PHF24: variants seen among roughly 807,000 people sequenced by gnomAD.
PHF24 encodes the protein PHD finger protein 24.
In PHF24, 25 loss-of-function variants were observed where a neutral mutation model predicts 42.6. The observed-to-expected ratio is 0.59, with a 90% CI of 0.43 to 0.82. The LOEUF (loss-of-function observed/expected upper bound fraction) is 0.82. Ranked by LOEUF, PHF24 falls within the 40% of genes least tolerant of loss-of-function variation. PHF24 has a pLI of 0.00. For synonymous variants in PHF24, 185 were observed against 204.8 expected (o/e 0.90, Z 0.83); for missense variants, 470 against 538.1 (o/e 0.87, Z 1.25).
chr9:34,793,225 G>A, the PHF24 span, among the ~76,000 whole-genome samples: 11 of 152,024 alleles, frequency 7.2e-5, no homozygotes, highest in Non-Finnish European at 8.8e-5. Context: ...GGAAGGGGAA[G>A]CTTGCCCAAG....
exon 8 of PHF24, chr9:34,979,656 G>A (rs1472287994): frequency 6.6e-6 from 1 of 152,274 alleles, no homozygotes; most frequent in Non-Finnish European, 1.5e-5. Flanking sequence ...GGTGCGTACA[G>A]AAGAACACAC....
At chr9:34,723,260 C>T in the PHF24 span, 1 of 1,551,692 alleles carries the variant, frequency 6.4e-7, no homozygotes, top group South Asian at 1.2e-5. Flanking sequence ...TTTGTTGGCA[C>T]AAGCCTCTCG....
At position 34,967,425 on chromosome 9, in the gene PHF24, C is replaced by T. The variant is rs529029057; in HGVS notation, c.-4-3870C>T. Among the ~76,000 whole-genome samples the T allele has an allele frequency of 9.8e-4, 150 of 152,314 alleles. 3 individuals are homozygous for T. The South Asian group carries it at 0.03, about 31-fold the overall frequency. The stretch of plus-strand genomic sequence containing the variant: ...GACTTCAGTTGCAGATCTATAAACA[C>T]ATGTGTCTACAGGGTTATCACAAAA... On this transcript the variant is annotated intron_variant, in intron 1 of 7. Coordinates refer to ENST00000242315, the Ensembl canonical transcript of PHF24.
At chr9:34,922,629 G>A in the PHF24 span, 1 of 1,013,754 alleles carries the variant, frequency 9.9e-7, no homozygotes, top group Admixed American at 1.7e-5. Flanking sequence ...AAAAGGGACA[G>A]TACATCATTG....
At chr9:34,848,128 G>A in the PHF24 span, among the ~76,000 whole-genome samples, 8 of 148,240 alleles carry the variant, frequency 5.4e-5, no homozygotes, top group Admixed American at 2.0e-4. Context: ...ATGAGTTAGG[G>A]AGGATTCCCT....
Position 34,968,624 on chromosome 9 carries a change from C to T in PHF24, c.-4-2671C>T, listed in dbSNP as rs115371436. Among the ~76,000 whole-genome samples the T allele has an allele frequency of 3.1e-3, 465 of 152,234 alleles. 1 individual carries two copies. Among genetic ancestry groups the T allele is most frequent in the African/African-American group, 0.011 (442 of 41,514 alleles). ...CAAGCACGTGAGCAGTGTAGGAGTT[C>T]GCACCACTGTGGCACATACAAGCAG... On this transcript the variant is annotated intron_variant, in intron 1 of 7. Transcript: ENST00000242315.
At chr9:34,839,144 A>G in the PHF24 span, among the ~76,000 whole-genome samples, 11 of 152,162 alleles carry the variant, frequency 7.2e-5, no homozygotes, top group South Asian at 2.1e-4. Flanking sequence ...AAATGCTGCA[A>G]TCTTTTTGAG....
chr9:34,952,855 C>T (rs552636524), upstream of PHF24, among the ~76,000 whole-genome samples: 5 of 152,252 alleles, frequency 3.3e-5, no homozygotes, highest in South Asian at 1.0e-3. Flanking sequence ...CCAAAAAAGG[C>T]AGAGAGGCCA....
At chr9:34,835,298 T>G in the PHF24 span, 1 of 1,551,856 alleles carries the variant, frequency 6.4e-7, no homozygotes, top group Non-Finnish European at 8.7e-7. Context: ...AGAAACTGGC[T>G]GGTCATTTCC....
At chr9:34,783,260 G>A in the PHF24 span, among the ~76,000 whole-genome samples, 4,592 of 151,998 alleles carry the variant, frequency 0.03, 143 homozygotes, top group East Asian at 0.093. Context: ...GTTACACTGC[G>A]CCATCTTATC....
At chr9:34,727,279 A>T in the PHF24 span, among the ~76,000 whole-genome samples, 1 of 152,216 alleles carries the variant, frequency 6.6e-6, no homozygotes, top group Non-Finnish European at 1.5e-5. Context: ...CTTGTTGAAA[A>T]GCTGAACTAG....
chr9:34,770,002 A>G, the PHF24 span, among the ~76,000 whole-genome samples: 2 of 152,196 alleles, frequency 1.3e-5, no homozygotes, highest in African/African-American at 4.8e-5. Context: ...TTAGAACCTT[A>G]TTGAGAGGAA....
chr9:34,890,296 C>T, the PHF24 span, among the ~76,000 whole-genome samples: 1 of 152,210 alleles, frequency 6.6e-6, no homozygotes, highest in Non-Finnish European at 1.5e-5. Context: ...TTTCCAGCTG[C>T]TTTGAATGTC....
At chr9:34,897,121 A>C in the PHF24 span, among the ~76,000 whole-genome samples, 1 of 152,150 alleles carries the variant, frequency 6.6e-6, no homozygotes, top group Non-Finnish European at 1.5e-5. Flanking sequence ...ACACCACTGC[A>C]CTCCAGCCTG....
the PHF24 span, among the ~76,000 whole-genome samples, chr9:34,849,332 A>G: frequency 6.6e-6 from 1 of 152,042 alleles, no homozygotes; most frequent in African/African-American, 2.4e-5. Flanking sequence ...TTCTTGTTGA[A>G]TTGATCCCTT....
chr9:34,930,915 A>G, the PHF24 span, among the ~76,000 whole-genome samples: 1 of 152,268 alleles, frequency 6.6e-6, no homozygotes, highest in East Asian at 1.9e-4. Flanking sequence ...CCCAAATCTC[A>G]TGTCGAATTG....
chr9:34,948,403 A>T, the PHF24 span, among the ~76,000 whole-genome samples: 1 of 152,142 alleles, frequency 6.6e-6, no homozygotes, highest in Non-Finnish European at 1.5e-5. Flanking sequence ...TTCACTCACC[A>T]CCCACTCACT....
the PHF24 span, among the ~76,000 whole-genome samples, chr9:34,876,421 C>T: frequency 6.6e-6 from 1 of 152,040 alleles, no homozygotes; most frequent in Non-Finnish European, 1.5e-5. Context: ...TGTATGGTTC[C>T]AACTATATGA....
the PHF24 span, among the ~76,000 whole-genome samples, chr9:34,668,024 A>G: frequency 6.6e-6 from 1 of 152,218 alleles, no homozygotes; most frequent in African/African-American, 2.4e-5. Flanking sequence ...AGTGCCCTGC[A>G]GCCATCCCTG....
Sources: gnomAD v4.1 joint callset for allele counts (sites outside exome capture counted in the v4.1 genomes callset) on GRCh38, gnomAD v4.1.1 for gene constraint, MANE v1.5 for transcripts, NCBI Gene and HGNC (gene_info 2026-07-23, HGNC 2026-07-21) for gene names.